Variants in R3HCC1L observed in about 807,000 individuals in gnomAD.
R3HCC1L encodes coiled-coil domain-containing protein R3HCC1L.
R3HCC1L carries 51 observed loss-of-function variants against 59.9 expected under a neutral mutation model. The observed-to-expected ratio is 0.85, with a 90% confidence interval of 0.68 to 1.07. R3HCC1L has a LOEUF of 1.07. R3HCC1L is among the 50% of genes least tolerant of loss of function. R3HCC1L has a pLI of 0.00. For synonymous variants in R3HCC1L, 322 were observed against 315.2 expected (o/e 1.02, Z -0.23); for missense variants, 965 against 933.0 (o/e 1.03, Z -0.45).
chr10:98,189,881 CTTT>C (rs1850645799), intron 4 of R3HCC1L, among the ~76,000 whole-genome samples: 1 of 152,146 alleles, frequency 6.6e-6, no homozygotes, highest in African/African-American at 2.4e-5. Flanking sequence ...TGTTGAATCT[CTTT>C]TAAGTGAAGC....
chr10:98,207,797 G>C (rs1256487264), intron 4 of R3HCC1L, among the ~76,000 whole-genome samples: 1 of 151,900 alleles, frequency 6.6e-6, no homozygotes, highest in Non-Finnish European at 1.5e-5. Flanking sequence ...CTTAAGCTCA[G>C]CCTGGGCTTG....
At chr10:98,234,224 C>T (rs796523201) in intron 6 of R3HCC1L, among the ~76,000 whole-genome samples, 24 of 152,274 alleles carry the variant, frequency 1.6e-4, no homozygotes, top group African/African-American at 5.3e-4. Context: ...TGGCTGAGAA[C>T]GTAAAATACT....
intron 2 of R3HCC1L, among the ~76,000 whole-genome samples, chr10:98,159,136 C>T (rs1382445469): frequency 6.6e-6 from 1 of 152,154 alleles, no homozygotes; most frequent in Non-Finnish European, 1.5e-5. Context: ...GACTGCAAGA[C>T]AGTTATTTTG....
chr10:98,176,401 G>A (rs1024694112), intron 4 of R3HCC1L, among the ~76,000 whole-genome samples: 4 of 152,032 alleles, frequency 2.6e-5, no homozygotes, highest in African/African-American at 4.8e-5. Context: ...TCTTTCTTTC[G>A]ATTTTTGATG....
At chr10:98,206,071 A>G (rs1241126473) in intron 4 of R3HCC1L, among the ~76,000 whole-genome samples, 1 of 152,132 alleles carries the variant, frequency 6.6e-6, no homozygotes, top group Non-Finnish European at 1.5e-5. Flanking sequence ...TTATAGAGCA[A>G]CTGATCTTTC....
chr10:98,202,319 C>T (rs574627805), intron 4 of R3HCC1L, among the ~76,000 whole-genome samples: 13 of 152,088 alleles, frequency 8.5e-5, no homozygotes, highest in African/African-American at 2.4e-4. Context: ...CCCCACACAC[C>T]GCTTATTAAT....
chr10:98,159,452 T>C (rs569396215), intron 2 of R3HCC1L, among the ~76,000 whole-genome samples: 1 of 152,362 alleles, frequency 6.6e-6, no homozygotes, highest in East Asian at 1.9e-4. Context: ...TAAAGTATTT[T>C]GTGTAAAAAT....
chr10:98,161,337 A>G (rs889810372), intron 2 of R3HCC1L, among the ~76,000 whole-genome samples: 3 of 152,104 alleles, frequency 2.0e-5, no homozygotes, highest in African/African-American at 7.2e-5. Flanking sequence ...TGTGTGAAAT[A>G]TATCTTCATT....
Position 98,244,328 on chromosome 10 carries a change from A to C in R3HCC1L, c.*170A>C. 2 of 583,188 alleles carry C rather than the reference A, an allele frequency of 3.4e-6. No homozygotes were observed. The highest frequency in any genetic ancestry group is 6.0e-6 in the Non-Finnish European group (2 of 335,316). The allele number at this position is 583,188 out of a possible 1,614,324, so 36.1% of individuals were successfully genotyped here. A position where few individuals can be genotyped will look rare whatever the true frequency, so the allele number is the denominator to read the frequency against. On this transcript the variant is annotated 3_prime_UTR_variant, in exon 10 of 10. Transcript: ENST00000298999. ...AGAAGGAAGACAGACTCCTGTCTTC[A>C]CTCCTAAATGCAGTTCTTTGGAATC... is the stretch of plus-strand genomic sequence containing the variant.
At chr10:98,137,566 T>C (rs1173284743) in intron 1 of R3HCC1L, among the ~76,000 whole-genome samples, 1 of 152,218 alleles carries the variant, frequency 6.6e-6, no homozygotes, top group Non-Finnish European at 1.5e-5. Context: ...ATACTGTAAA[T>C]AGAAGTTGTC....
chr10:98,152,930 T>C (rs7101091), intron 1 of R3HCC1L, among the ~76,000 whole-genome samples: 101,390 of 149,458 alleles, frequency 0.68, 34,523 homozygotes, highest in African/African-American at 0.76. Flanking sequence ...CCAGTCGCCC[T>C]GTCCGGGAGA....
At chr10:98,213,300 A>G (rs1280401647) in intron 5 of R3HCC1L, among the ~76,000 whole-genome samples, 2 of 152,190 alleles carry the variant, frequency 1.3e-5, no homozygotes, top group Non-Finnish European at 2.9e-5. Flanking sequence ...ATGTGTTGTT[A>G]TCACTGCTAT....
chr10:98,218,273 G>A (rs1854445360), intron 5 of R3HCC1L, among the ~76,000 whole-genome samples: 1 of 151,740 alleles, frequency 6.6e-6, no homozygotes, highest in Admixed American at 6.6e-5. Context: ...GTTTATATGG[G>A]TTTTGACCTT....
intron 5 of R3HCC1L, among the ~76,000 whole-genome samples, chr10:98,221,079 T>C (rs1481034498): frequency 1.6e-4 from 24 of 150,730 alleles, no homozygotes; most frequent in African/African-American, 5.1e-4. Flanking sequence ...TTCTAACTGG[T>C]ATGAGATGGT....
intron 4 of R3HCC1L, among the ~76,000 whole-genome samples, chr10:98,167,027 A>G (rs1300659204): frequency 6.6e-6 from 1 of 152,092 alleles, no homozygotes; most frequent in African/African-American, 2.4e-5. Context: ...CTTAATAAGT[A>G]TTTGATGGTA....
At chr10:98,189,820 A>G (rs976570165) in intron 4 of R3HCC1L, among the ~76,000 whole-genome samples, 3 of 152,212 alleles carry the variant, frequency 2.0e-5, no homozygotes, top group African/African-American at 7.2e-5. Context: ...CTGTCCAAGT[A>G]TAATTTTTTA....
At chr10:98,192,191 T>A (rs1404990901) in intron 4 of R3HCC1L, among the ~76,000 whole-genome samples, 1 of 152,068 alleles carries the variant, frequency 6.6e-6, no homozygotes, top group African/African-American at 2.4e-5. Context: ...GAAATGCTTT[T>A]CTTACTGTGG....
intron 5 of R3HCC1L, among the ~76,000 whole-genome samples, chr10:98,222,672 T>C (rs1267561345): frequency 1.3e-5 from 2 of 152,232 alleles, no homozygotes; most frequent in African/African-American, 2.4e-5. Flanking sequence ...GTTTATATGC[T>C]GGATTACATT....
intron 5 of R3HCC1L, among the ~76,000 whole-genome samples, chr10:98,210,326 A>C (rs992669051): frequency 2.6e-5 from 4 of 152,180 alleles, no homozygotes; most frequent in Non-Finnish European, 5.9e-5. Context: ...GAAGTAGAGA[A>C]AAGAAGGGTA....
Sources: gnomAD v4.1 joint callset for allele counts (sites outside exome capture counted in the v4.1 genomes callset) on GRCh38, gnomAD v4.1.1 for gene constraint, MANE v1.5 for transcripts, NCBI Gene and HGNC (gene_info 2026-07-23, HGNC 2026-07-21) for gene names.